SCAPER: variants seen among roughly 807,000 people sequenced by gnomAD.
SCAPER encodes S phase cyclin A-associated protein in the endoplasmic reticulum.
In SCAPER, 98 loss-of-function variants were observed where a neutral mutation model predicts 182.2. The observed-to-expected ratio is 0.54, with a 90% CI of 0.46 to 0.64. The LOEUF (loss-of-function observed/expected upper bound fraction) is 0.64, where lower values mean the gene tolerates loss of function less well. Ranked by LOEUF, SCAPER falls within the 30% of genes least tolerant of loss-of-function variation. The pLI, the probability that SCAPER is intolerant of heterozygous loss-of-function variation, is 0.00. For missense variants in SCAPER, 1,432 were observed against 1,690.0 expected (o/e 0.85, Z 2.68); for synonymous variants, 605 against 564.6 (o/e 1.07, Z -1.01).
chr15:76,743,634 C>T (rs538995143), intron 15 of SCAPER, among the ~76,000 whole-genome samples: 6 of 151,936 alleles, frequency 3.9e-5, no homozygotes, highest in African/African-American at 1.4e-4. Context: ...CAGAACACTG[C>T]TGAAAAAAAT....
chr15:76,720,635 A>G (rs1294133756), intron 17 of SCAPER, among the ~76,000 whole-genome samples: 1 of 152,134 alleles, frequency 6.6e-6, no homozygotes, highest in Non-Finnish European at 1.5e-5. Context: ...CTGGTGTGAG[A>G]TGGTATCTCA....
intron 17 of SCAPER, among the ~76,000 whole-genome samples, chr15:76,715,423 A>C (rs560227813): frequency 6.6e-6 from 1 of 152,240 alleles, no homozygotes; most frequent in African/African-American, 2.4e-5. Flanking sequence ...TCTAGGCCAA[A>C]GAGACACAGT....
intron 20 of SCAPER, among the ~76,000 whole-genome samples, chr15:76,697,356 T>G (rs1214446920): frequency 2.6e-5 from 4 of 152,108 alleles, no homozygotes; most frequent in Non-Finnish European, 5.9e-5. Context: ...TTAAGAAAAT[T>G]TAATTCCTTC....
In SCAPER at chr15:76,652,274, ATATATATATATATAT is replaced by A. The variant is rs1230626611; in HGVS notation, c.2645+13364_2645+13378del. 6.6e-4 allele frequency among the ~76,000 whole-genome samples: 7 copies of A among 10,640 alleles called. 2 individuals are homozygous for A. Among genetic ancestry groups the A allele is most frequent in the East Asian group, 2.6e-3 (1 of 388 alleles). 7.0% of individuals were successfully genotyped at this position (10,640 alleles called of 152,430 possible). A position where few individuals can be genotyped will look rare whatever the true frequency, so the allele number is the denominator to read the frequency against. The stretch of plus-strand genomic sequence containing the variant: ...TCTCTGCTAAAAAAAAAAAAAAAAA[ATATATATATATATAT>A]ATATATATATATATATATATACACA... On this transcript the variant is annotated intron_variant, in intron 21 of 31. Transcript: ENST00000563290.
intron 22 of SCAPER, among the ~76,000 whole-genome samples, chr15:76,581,214 A>G (rs966193921): frequency 1.3e-4 from 20 of 152,236 alleles, no homozygotes; most frequent in African/African-American, 4.8e-4. Context: ...TTCACTACTG[A>G]GTTTAACCAG....
chr15:76,358,617 T>A (rs1340462131), intron 29 of SCAPER, among the ~76,000 whole-genome samples: 1 of 152,218 alleles, frequency 6.6e-6, no homozygotes, highest in East Asian at 1.9e-4. Flanking sequence ...TTTCCTTTTA[T>A]AAGGCCATCA....
chr15:76,596,215 G>A (rs2049481029), intron 22 of SCAPER, among the ~76,000 whole-genome samples: 1 of 108,204 alleles, frequency 9.2e-6, no homozygotes, highest in East Asian at 2.5e-4. Flanking sequence ...TAGAAGAAAT[G>A]GATAACTTCC....
intron 25 of SCAPER, among the ~76,000 whole-genome samples, chr15:76,451,870 A>G (rs2048386795): frequency 6.6e-6 from 1 of 152,206 alleles, no homozygotes; most frequent in African/African-American, 2.4e-5. Flanking sequence ...TGTAAGCTTA[A>G]AGAGGGCAGG....
intron 21 of SCAPER, among the ~76,000 whole-genome samples, chr15:76,636,858 C>G (rs1301924952): frequency 6.6e-6 from 1 of 152,022 alleles, no homozygotes; most frequent in African/African-American, 2.4e-5. Context: ...TGTGGAGGTA[C>G]GAACTTTGGT....
At chr15:76,643,527 C>G (rs994681597) in intron 21 of SCAPER, among the ~76,000 whole-genome samples, 1 of 151,810 alleles carries the variant, frequency 6.6e-6, no homozygotes, top group Non-Finnish European at 1.5e-5. Flanking sequence ...ACTAAAAATA[C>G]AAAAATTAGC....
intron 21 of SCAPER, among the ~76,000 whole-genome samples, chr15:76,655,291 G>GA (rs759536247): frequency 5.3e-4 from 80 of 152,012 alleles, no homozygotes; most frequent in African/African-American, 1.9e-3. Flanking sequence ...CCAAGCTGAG[G>GA]AAAAAAATCT....
chr15:76,552,263 A>G (rs2045842174), intron 23 of SCAPER, among the ~76,000 whole-genome samples: 1 of 152,186 alleles, frequency 6.6e-6, no homozygotes, highest in African/African-American at 2.4e-5. Flanking sequence ...CCTGGGCAAG[A>G]GAATGAGACC....
At chr15:76,863,029 T>C (rs1402618084) in intron 2 of SCAPER, among the ~76,000 whole-genome samples, 1 of 152,214 alleles carries the variant, frequency 6.6e-6, no homozygotes, top group Non-Finnish European at 1.5e-5. Context: ...TAATAATTGC[T>C]GTTAACAGGT....
rs977981446 is a variant in SCAPER, at chr15:76,765,075, A to T, written c.1614-3T>A. The stretch of plus-strand genomic sequence containing the variant: ...TCTTCTTAGATTCTGCAATTGTTCT[A>T]TTAATACAAACAAATGGACAAGAGA... On this transcript the variant is annotated splice_polypyrimidine_tract_variant and splice_region_variant and intron_variant, in intron 13 of 31. Transcript: ENST00000563290. 1 of 1,543,028 alleles carries T rather than the reference A, an allele frequency of 6.5e-7. No individual in the cohort carries two copies. Among genetic ancestry groups the T allele is most frequent in the Non-Finnish European group, 8.8e-7 (1 of 1,136,172 alleles).
At chr15:76,810,552 CA>C (rs61157223) in intron 5 of SCAPER, among the ~76,000 whole-genome samples, 18,211 of 66,260 alleles carry the variant, frequency 0.27, 1,241 homozygotes, top group East Asian at 0.38. Context: ...AAAAAAAAAC[CA>C]CACACACACA....
intron 5 of SCAPER, among the ~76,000 whole-genome samples, chr15:76,823,891 T>C (rs1314583528): frequency 6.6e-6 from 1 of 151,672 alleles, no homozygotes; most frequent in Non-Finnish European, 1.5e-5. Context: ...AGTTTTCTAC[T>C]GATTTCTTTT....
chr15:76,703,912 A>G (rs1320942105), intron 18 of SCAPER, among the ~76,000 whole-genome samples: 2 of 152,208 alleles, frequency 1.3e-5, no homozygotes, highest in African/African-American at 4.8e-5. Flanking sequence ...ACAAATAGTA[A>G]AATACAGTCT....
intron 21 of SCAPER, among the ~76,000 whole-genome samples, chr15:76,647,242 T>G (rs1443693861): frequency 6.6e-6 from 1 of 152,202 alleles, no homozygotes; most frequent in African/African-American, 2.4e-5. Context: ...GGTAAAAAAT[T>G]AAGTTGGGAA....
chr15:76,829,155 A>T (rs1321082730), intron 5 of SCAPER, among the ~76,000 whole-genome samples: 5 of 152,226 alleles, frequency 3.3e-5, no homozygotes, highest in African/African-American at 1.2e-4. Context: ...CCTTTGCAGC[A>T]CTGTGGATGG....
Sources: allele counts gnomAD v4.1 joint callset (sites outside exome capture counted in the v4.1 genomes callset), GRCh38; gene constraint gnomAD v4.1.1; transcripts MANE v1.5; gene names NCBI Gene and HGNC (gene_info 2026-07-23, HGNC 2026-07-21).